LRPPRC: variants seen among roughly 807,000 people sequenced by gnomAD.
LRPPRC encodes the protein leucine-rich PPR motif-containing protein, mitochondrial.
A neutral mutation model predicts 180.3 loss-of-function variants in LRPPRC; 120 were observed. The ratio of observed to expected loss-of-function variants is 0.67; its 90% CI spans 0.57 to 0.77. LRPPRC has a LOEUF of 0.77. Among genes scored for constraint, LRPPRC ranks in the 30% least tolerant of loss-of-function variants. LRPPRC has a pLI of 0.00. For missense variants in LRPPRC, 2,012 were observed against 1,657.2 expected (o/e 1.21, Z -3.72); for synonymous variants, 723 against 600.0 (o/e 1.21, Z -3.00).
At chr2:43,920,236 A>G (rs1022931496) in intron 27 of LRPPRC, among the ~76,000 whole-genome samples, 11 of 152,048 alleles carry the variant, frequency 7.2e-5, no homozygotes, top group African/African-American at 2.7e-4. Flanking sequence ...CCAGGGTTCA[A>G]GCAATTCTCC....
At chr2:43,966,036 TCA>T (rs918329429) in intron 11 of LRPPRC, among the ~76,000 whole-genome samples, 26 of 152,310 alleles carry the variant, frequency 1.7e-4, no homozygotes, top group African/African-American at 6.0e-4. Context: ...CCAGCATTAT[TCA>T]CAGTACCCAA....
chr2:43,942,838 CTT>C (rs927414901), intron 23 of LRPPRC, among the ~76,000 whole-genome samples: 1 of 152,056 alleles, frequency 6.6e-6, no homozygotes, highest in African/African-American at 2.4e-5. Context: ...AAATTAGTAT[CTT>C]TTCATTTTCG....
At chr2:43,908,745 T>C (rs1671151038) in intron 30 of LRPPRC, among the ~76,000 whole-genome samples, 1 of 152,182 alleles carries the variant, frequency 6.6e-6, no homozygotes, top group African/African-American at 2.4e-5. Flanking sequence ...CAGGCTGGTC[T>C]TGAACTCCTG....
chr2:43,959,133 A>C (rs1673235206), intron 13 of LRPPRC: 3 of 691,576 alleles, frequency 4.3e-6, no homozygotes, highest in East Asian at 5.5e-5. Context: ...ATATGATAAA[A>C]GGAAAAGGCA....
intron 1 of LRPPRC, among the ~76,000 whole-genome samples, chr2:43,988,143 G>C (rs932074652): frequency 6.6e-5 from 10 of 151,128 alleles, no homozygotes; most frequent in African/African-American, 2.4e-4. Context: ...AGAAGGCTGA[G>C]GCAGGAGAAC....
chr2:43,944,818 C>T (rs1441105333), intron 22 of LRPPRC, among the ~76,000 whole-genome samples: 1 of 152,016 alleles, frequency 6.6e-6, no homozygotes, highest in Non-Finnish European at 1.5e-5. Flanking sequence ...GCTGTGTAAT[C>T]AGCTATGCTT....
intron 1 of LRPPRC, among the ~76,000 whole-genome samples, chr2:43,994,597 G>GTTGCAGTCT (rs1553416461): frequency 6.6e-6 from 1 of 151,080 alleles, no homozygotes; most frequent in Non-Finnish European, 1.5e-5. Flanking sequence ...TCTGGAGTAG[G>GTTGCAGTCT]CTGCAGTCTG....
rs569160646 is a variant in LRPPRC at position 43,950,973 on chromosome 2, G to C, written c.1650-373C>G. Among the ~76,000 whole-genome samples, 39 of 152,320 alleles carry C rather than the reference G, an allele frequency of 2.6e-4. 1 individual carries two copies. The South Asian group carries it at 7.9e-3, about 31-fold the overall frequency. Reference sequence around the variant, plus strand: ...TAATCCAGGCTACTCGGGAGGCTGAGGCAGGAGAATTGCCTGAACCCGGGA... The same window carrying C: ...TAATCCAGGCTACTCGGGAGGCTGACGCAGGAGAATTGCCTGAACCCGGGA... On this transcript the variant is annotated intron_variant, in intron 14 of 37. Coordinates refer to ENST00000260665, the MANE Select transcript of LRPPRC (RefSeq NM_133259.4).
intron 30 of LRPPRC, among the ~76,000 whole-genome samples, chr2:43,911,597 G>C (rs1671263133): frequency 7.4e-6 from 1 of 135,166 alleles, no homozygotes; most frequent in South Asian, 2.3e-4. Context: ...CGCAATCTCA[G>C]CTCAACGCAA....
At chr2:43,911,587 C>T (rs992607911) in intron 30 of LRPPRC, among the ~76,000 whole-genome samples, 2 of 133,436 alleles carry the variant, frequency 1.5e-5, no homozygotes, top group South Asian at 2.3e-4. Flanking sequence ...AGTGCAGTTG[C>T]GCAATCTCAG....
Position 43,963,720 on chromosome 2 carries a change from T to C in LRPPRC, c.1370-14A>G. 1 of 1,285,398 alleles carries C rather than the reference T, an allele frequency of 7.8e-7. No individual in the cohort carries two copies. Among genetic ancestry groups the C allele is most frequent in the Non-Finnish European group, 1.1e-6 (1 of 881,152 alleles). The allele number at this position is 1,285,398 out of a possible 1,614,324, so 79.6% of individuals were successfully genotyped here. A position where few individuals can be genotyped will look rare whatever the true frequency, so the allele number is the denominator to read the frequency against. The stretch of plus-strand genomic sequence containing the variant: ...TTTCAATTATACCTACCAAATAAAA[T>C]GTAGAAGCACAGAGATAGAGAACTT... On this transcript the variant is annotated splice_polypyrimidine_tract_variant and intron_variant, in intron 11 of 37. Transcript: ENST00000260665.
At chr2:43,955,111 A>G (rs62135067) in intron 14 of LRPPRC, among the ~76,000 whole-genome samples, 11,414 of 152,146 alleles carry the variant, frequency 0.075, 541 homozygotes, top group South Asian at 0.15. Flanking sequence ...TATAATATGC[A>G]TCTTTTGCAG....
chr2:43,993,602 G>C (rs370480728), intron 1 of LRPPRC, among the ~76,000 whole-genome samples: 2 of 152,038 alleles, frequency 1.3e-5, no homozygotes, highest in African/African-American at 4.8e-5. Flanking sequence ...ACAGGATGTC[G>C]GGTAGGAGAC....
intron 35 of LRPPRC, among the ~76,000 whole-genome samples, chr2:43,895,939 T>C (rs917739176): frequency 3.9e-5 from 6 of 152,138 alleles, no homozygotes; most frequent in Non-Finnish European, 7.3e-5. Context: ...AAAAAATTTT[T>C]TCAAAAGGAC....
At chr2:43,976,000 A>T in intron 6 of LRPPRC, 143 bp downstream of exon 6, 1 of 614,014 alleles carries the variant, frequency 1.6e-6, no homozygotes, top group South Asian at 2.0e-5. Flanking sequence ...TTTTGAAGGG[A>T]TAGACAAATG....
intron 37 of LRPPRC, among the ~76,000 whole-genome samples, chr2:43,889,300 G>A (rs991708607): frequency 9.3e-6 from 1 of 107,056 alleles, no homozygotes; most frequent in African/African-American, 4.0e-5. Flanking sequence ...GGGCAACACA[G>A]CGAGACTCCA....
At chr2:43,890,236 T>C (rs572242493) in intron 36 of LRPPRC, 2 of 418,330 alleles carry the variant, frequency 4.8e-6, no homozygotes, top group Admixed American at 3.3e-5. Flanking sequence ...TCAATCCCCT[T>C]TGGCTTAAAA....
chr2:43,945,370 C>T lies in LRPPRC; in HGVS notation c.2258G>A (p.Gly753Asp). ...SAVLDTGKYV[G>D]LVRVLAKHGK... is the part of the protein sequence containing the mutation. ...ATGCTTTGCCAATACTCTTACAAGG[C>T]CTACATACTTGCCGGTGTCAAGGAC... Residue 753 changes from glycine to aspartate, a missense_variant, in exon 22 of 38, where the codon GGC (glycine) becomes GAC (aspartate). Physicochemically the swap from Gly to Asp is moderately conservative, Grantham distance 94 (BLOSUM62 -1). Transcript: ENST00000260665. 1 of 1,612,570 alleles carries T rather than the reference C, an allele frequency of 6.2e-7. No individual in the cohort carries two copies. Among genetic ancestry groups the T allele is most frequent in the African/African-American group, 1.3e-5 (1 of 74,954 alleles).
At chr2:43,940,428 C>T (rs1022514583) in intron 23 of LRPPRC, among the ~76,000 whole-genome samples, 14 of 152,158 alleles carry the variant, frequency 9.2e-5, no homozygotes, top group African/African-American at 2.7e-4. Flanking sequence ...GTTACAAGTT[C>T]ATCTTAGAGA....
Sources: gnomAD v4.1 joint callset for allele counts (sites outside exome capture counted in the v4.1 genomes callset) on GRCh38, gnomAD v4.1.1 for gene constraint, MANE v1.5 for transcripts, NCBI Gene and HGNC (gene_info 2026-07-23, HGNC 2026-07-21) for gene names.